SLC25A21: variants seen among roughly 807,000 people sequenced by gnomAD.
SLC25A21 encodes solute carrier family 25 member 21.
Under a neutral mutation model 43.8 loss-of-function variants are expected in SLC25A21, and 47 were observed. The observed-to-expected ratio is 1.07, with a 90% confidence interval of 0.85 to 1.37. SLC25A21 has a LOEUF of 1.37. Among genes scored for constraint, SLC25A21 ranks in the 40% most tolerant of loss-of-function variants. The pLI is 0.00. For missense variants in SLC25A21, 352 were observed against 350.2 expected (o/e 1.00, Z -0.04); for synonymous variants, 131 against 121.3 (o/e 1.08, Z -0.52).
intron 1 of SLC25A21, among the ~76,000 whole-genome samples, chr14:37,071,162 A>G (rs931530797): frequency 6.6e-6 from 1 of 152,246 alleles, no homozygotes; most frequent in African/African-American, 2.4e-5. Context: ...AATCCTCTGG[A>G]AAGCTAATTC....
rs181771386 is a variant in SLC25A21 at position 37,126,862 on chromosome 14, A to G, written c.70+45419T>C. Among the ~76,000 whole-genome samples, 278 of 152,282 alleles carry G rather than the reference A, an allele frequency of 1.8e-3. 1 individual carries two copies. Among genetic ancestry groups the G allele is most frequent in the African/African-American group, 6.6e-3 (275 of 41,552 alleles). ...CTTAGGTCAATGGTTCATTTTTTAT[A>G]GAGTTCTTGGTAAGAGGTTTTGCTG... On this transcript the variant is annotated intron_variant, in intron 1 of 9. Coordinates refer to ENST00000331299, the MANE Select transcript of SLC25A21 (RefSeq NM_030631.4).
intron 1 of SLC25A21, among the ~76,000 whole-genome samples, chr14:37,160,368 T>G (rs1963918279): frequency 6.6e-6 from 1 of 152,130 alleles, no homozygotes. Flanking sequence ...TTATAGACAA[T>G]GAAATACTAT....
intron 1 of SLC25A21, among the ~76,000 whole-genome samples, chr14:37,149,498 C>T (rs186366705): frequency 8.8e-4 from 134 of 151,994 alleles, no homozygotes; most frequent in African/African-American, 3.1e-3. Flanking sequence ...ACCTGCAATC[C>T]CAGCACTTTG....
intron 1 of SLC25A21, among the ~76,000 whole-genome samples, chr14:36,973,054 T>C (rs933496216): frequency 1.4e-5 from 2 of 141,980 alleles, no homozygotes; most frequent in Non-Finnish European, 3.1e-5. Context: ...TTTTATTTTA[T>C]TTTAGTAGAA....
chr14:36,893,499 T>C lies in SLC25A21; in HGVS notation c.71-18495A>G, dbSNP rs553695290. Among the ~76,000 whole-genome samples the C allele has an allele frequency of 1.3e-3, 198 of 152,344 alleles. 1 individual carries two copies. The highest frequency in any genetic ancestry group is 4.5e-3 in the African/African-American group (189 of 41,572). On this transcript the variant is annotated intron_variant, in intron 1 of 9. Coordinates refer to ENST00000331299, the MANE Select transcript of SLC25A21 (RefSeq NM_030631.4). The stretch of plus-strand genomic sequence containing the variant: ...TTTCTCCCATTCTGTAGGTTGCCTG[T>C]TCACTCTGATGGTAGTTTCTTTTGC...
chr14:36,922,114 G>A (rs1416679410), intron 1 of SLC25A21, among the ~76,000 whole-genome samples: 1 of 148,956 alleles, frequency 6.7e-6, no homozygotes, highest in Non-Finnish European at 1.5e-5. Flanking sequence ...ACTCCAGCCT[G>A]GGCAACAGAG....
chr14:36,962,637 A>G (rs1175080540), intron 1 of SLC25A21, among the ~76,000 whole-genome samples: 1 of 152,218 alleles, frequency 6.6e-6, no homozygotes, highest in Non-Finnish European at 1.5e-5. Flanking sequence ...ATCCATAAAA[A>G]TTGTGTTTTT....
chr14:37,171,996 G>T (rs1371755704), intron 1 of SLC25A21: 2 of 444,442 alleles, frequency 4.5e-6, no homozygotes, highest in African/African-American at 4.0e-5. Flanking sequence ...CGCTGCCCTT[G>T]GGGCTCTGCC....
At chr14:36,741,963 T>C (rs560711309) in intron 3 of SLC25A21, among the ~76,000 whole-genome samples, 28 of 152,300 alleles carry the variant, frequency 1.8e-4, no homozygotes, top group African/African-American at 6.3e-4. Context: ...TGGGCAATGA[T>C]TCAAGCTCAT....
At chr14:36,826,385 T>C (rs765718258) in intron 2 of SLC25A21, among the ~76,000 whole-genome samples, 5 of 152,316 alleles carry the variant, frequency 3.3e-5, no homozygotes, top group Non-Finnish European at 5.9e-5. Context: ...TTTCCCTGTA[T>C]AGTTTTGTGC....
At chr14:36,705,075 G>C (rs1243796099) in intron 7 of SLC25A21, among the ~76,000 whole-genome samples, 1 of 152,006 alleles carries the variant, frequency 6.6e-6, no homozygotes, top group Non-Finnish European at 1.5e-5. Context: ...TTTTGAGACG[G>C]ATCTCACTCT....
chr14:36,742,241 C>T (rs1400070579), intron 3 of SLC25A21, among the ~76,000 whole-genome samples: 3 of 152,150 alleles, frequency 2.0e-5, no homozygotes, highest in Non-Finnish European at 4.4e-5. Context: ...TGAAGGCATA[C>T]AATATCCTCT....
chr14:37,089,604 T>C (rs1566873111), intron 1 of SLC25A21, among the ~76,000 whole-genome samples: 2 of 152,178 alleles, frequency 1.3e-5, no homozygotes, highest in African/African-American at 2.4e-5. Flanking sequence ...TTGGAGCCAT[T>C]TGATGACATC....
intron 3 of SLC25A21, among the ~76,000 whole-genome samples, chr14:36,802,264 A>C (rs1887893908): frequency 6.6e-6 from 1 of 152,198 alleles, no homozygotes; most frequent in Non-Finnish European, 1.5e-5. Flanking sequence ...TAAATTCAGC[A>C]AACACAAATT....
At chr14:36,882,682 CA>C (rs1188382951) in intron 1 of SLC25A21, among the ~76,000 whole-genome samples, 3 of 151,944 alleles carry the variant, frequency 2.0e-5, no homozygotes, top group Non-Finnish European at 4.4e-5. Flanking sequence ...TCAACTATGC[CA>C]AAAAACAATT....
chr14:36,893,156 A>G (rs878963568), intron 1 of SLC25A21, among the ~76,000 whole-genome samples: 2 of 152,110 alleles, frequency 1.3e-5, no homozygotes, highest in African/African-American at 4.8e-5. Context: ...CTAGTTTACA[A>G]TCCCACCAAC....
At chr14:36,781,304 C>T (rs569916566) in intron 3 of SLC25A21, among the ~76,000 whole-genome samples, 17 of 152,086 alleles carry the variant, frequency 1.1e-4, no homozygotes, top group Non-Finnish European at 1.8e-4. Context: ...CATTCTTTTA[C>T]TGGAAAATTT....
chr14:37,043,940 GTTT>G (rs59081965), intron 1 of SLC25A21, among the ~76,000 whole-genome samples: 4 of 56,758 alleles, frequency 7.0e-5, no homozygotes, highest in Non-Finnish European at 1.1e-4. Flanking sequence ...ATGTTTTTTT[GTTT>G]TTTTTTTTTT....
intron 1 of SLC25A21, among the ~76,000 whole-genome samples, chr14:37,021,092 T>C (rs1334659832): frequency 6.6e-6 from 1 of 151,956 alleles, no homozygotes; most frequent in Non-Finnish European, 1.5e-5. Context: ...TCCTACACCT[T>C]ATATATTACC....
Sources: allele counts gnomAD v4.1 joint callset (sites outside exome capture counted in the v4.1 genomes callset), GRCh38; gene constraint gnomAD v4.1.1; transcripts MANE v1.5; gene names NCBI Gene and HGNC (gene_info 2026-07-23, HGNC 2026-07-21).